KIAA1671: variants seen among roughly 807,000 people sequenced by gnomAD.
The protein encoded by KIAA1671 is uncharacterized protein KIAA1671.
KIAA1671 carries 52 observed loss-of-function variants against 131.2 expected under a neutral mutation model. The ratio of observed to expected loss-of-function variants is 0.40; its 90% CI spans 0.32 to 0.50. KIAA1671 has a LOEUF of 0.50. KIAA1671 is among the 20% of genes least tolerant of loss of function. KIAA1671 has a pLI of 0.73. For synonymous variants in KIAA1671, 1,003 were observed against 961.6 expected, an observed-to-expected ratio of 1.04 and a Z score of -0.80; for missense variants, 2,360 against 2,364.2, an observed-to-expected ratio of 1.00 and a Z score of 0.04.
At chr22:25,171,714 T>G (rs1933855254) in intron 7 of KIAA1671, among the ~76,000 whole-genome samples, 1 of 151,428 alleles carries the variant, frequency 6.6e-6, no homozygotes, top group Non-Finnish European at 1.5e-5. Flanking sequence ...GAGAGACACC[T>G]TGTCTAAAAA....
chr22:25,190,903 A>C, intron 12 of KIAA1671, 119 bp downstream of exon 12: 1 of 655,294 alleles, frequency 1.5e-6, no homozygotes, highest in Non-Finnish European at 2.7e-6. Context: ...AGGCTGTGTA[A>C]GGGGAAGAAT....
intron 6 of KIAA1671, among the ~76,000 whole-genome samples, chr22:25,093,800 C>CTCTCTT: frequency 7.6e-6 from 1 of 131,804 alleles, no homozygotes; most frequent in African/African-American, 2.9e-5. Flanking sequence ...CTCTCTCTCT[C>CTCTCTT]TCTCTCTCTC....
At chr22:25,018,492 A>T (rs1022676988) in intron 1 of KIAA1671, among the ~76,000 whole-genome samples, 1 of 152,014 alleles carries the variant, frequency 6.6e-6, no homozygotes, top group Non-Finnish European at 1.5e-5. Context: ...TTGTGTGACC[A>T]TCATCACCAT....
intron 6 of KIAA1671, among the ~76,000 whole-genome samples, chr22:25,131,548 G>A (rs969954913): frequency 3.3e-5 from 5 of 152,232 alleles, no homozygotes; most frequent in Non-Finnish European, 7.3e-5. Flanking sequence ...CTGGTCAGGC[G>A]CACAGGCCAT....
intron 5 of KIAA1671, among the ~76,000 whole-genome samples, chr22:25,043,975 A>G (rs1051775098): frequency 4.0e-5 from 6 of 151,594 alleles, no homozygotes. Context: ...CCAGTCTGGA[A>G]GTGGATGCTG....
chr22:25,056,811 C>CCA (rs1927864020), intron 6 of KIAA1671: 1 of 57,826 alleles, frequency 1.7e-5, no homozygotes, highest in Non-Finnish European at 3.1e-5. Context: ...GACTCTGTCT[C>CCA]AAAAAAAAAA....
chr22:24,996,234 C>T (rs1001080252), intron 1 of KIAA1671, among the ~76,000 whole-genome samples: 1 of 150,434 alleles, frequency 6.6e-6, no homozygotes, highest in Admixed American at 6.6e-5. Context: ...CCCTCTCGGA[C>T]TCAGAGGCAC....
At chr22:25,017,843 C>G (rs554167857) in intron 1 of KIAA1671, among the ~76,000 whole-genome samples, 1 of 152,280 alleles carries the variant, frequency 6.6e-6, no homozygotes, top group East Asian at 1.9e-4. Context: ...AAAGTGTCTT[C>G]GGTGTAACAA....
At chr22:25,160,567 C>A (rs533625731) in intron 6 of KIAA1671, among the ~76,000 whole-genome samples, 1 of 152,194 alleles carries the variant, frequency 6.6e-6, no homozygotes, top group South Asian at 2.1e-4. Context: ...CAGGCTTGCA[C>A]CAACCCCAGA....
chr22:25,041,309 C>T lies in KIAA1671; in HGVS notation c.4179C>T (p.Asp1393=). The T allele has an allele frequency of 6.4e-7, 1 of 1,551,742 alleles. No individual in the cohort carries two copies. The highest frequency in any genetic ancestry group is 1.2e-5 in the South Asian group (1 of 84,062). ...GEEDSVAQWG[D]HPRDCGRVPL... ...AGGACAGTGTGGCCCAGTGGGGTGA[C>T]CACCCACGTGACTGTGGACGGGTGC... is the stretch of plus-strand genomic sequence containing the variant. The change falls in exon 5 of 13, where the codon GAC becomes GAT. Residue 1393 remains aspartate, a synonymous_variant. Coordinates refer to ENST00000358431, the MANE Select transcript of KIAA1671 (RefSeq NM_001145206.2).
intron 6 of KIAA1671, chr22:25,051,447 G>A (rs1927529125): frequency 1.3e-5 from 2 of 152,198 alleles, no homozygotes; most frequent in Non-Finnish European, 2.9e-5. Context: ...GACCTCAAGA[G>A]TATTTTTGTG....
At chr22:25,027,408 T>G (rs1220961349) in intron 2 of KIAA1671, among the ~76,000 whole-genome samples, 1 of 152,160 alleles carries the variant, frequency 6.6e-6, no homozygotes, top group Non-Finnish European at 1.5e-5. Context: ...TAGCACACAC[T>G]TGTGATTAGG....
chr22:25,043,172 A>C (rs1414622034), intron 5 of KIAA1671, among the ~76,000 whole-genome samples: 5 of 152,192 alleles, frequency 3.3e-5, no homozygotes, highest in African/African-American at 1.2e-4. Context: ...TTGGGGGTAC[A>C]TAAGCAGAAT....
chr22:25,056,858 A>G (rs1927868212), intron 6 of KIAA1671: 1 of 149,754 alleles, frequency 6.7e-6, no homozygotes, highest in Non-Finnish European at 1.5e-5. Context: ...ATGAGCTCCT[A>G]TGCACAAGGT....
chr22:24,986,196 T>A (rs1923522741), intron 1 of KIAA1671, among the ~76,000 whole-genome samples: 1 of 152,126 alleles, frequency 6.6e-6, no homozygotes. Flanking sequence ...GATTCTGGTT[T>A]GTGACTCTGG....
Position 25,038,928 on chromosome 22 carries a change from A to G in KIAA1671, c.1798A>G (p.Thr600Ala). The change falls in exon 5 of 13, where the codon ACT (threonine) becomes GCT (alanine). Residue 600 changes from threonine to alanine, a missense_variant. Transcript: ENST00000358431. ...SVEAPCPSDVTPEDDRSFQTV... is the reference protein window; with the variant it reads ...SVEAPCPSDVAPEDDRSFQTV... ...GGAGGCCCCGTGCCCTTCTGACGTCACTCCAGAGGATGACCGGAGCTTCCA... is the reference window on the plus strand; with the variant it reads ...GGAGGCCCCGTGCCCTTCTGACGTCGCTCCAGAGGATGACCGGAGCTTCCA... 1 of 1,551,670 alleles carries G rather than the reference A, an allele frequency of 6.4e-7. No individual in the cohort carries two copies. The highest frequency in any genetic ancestry group is 8.7e-7 in the Non-Finnish European group (1 of 1,146,992).
rs1568951654 is a variant in KIAA1671 at position 25,093,844 on chromosome 22, C to CTT, written c.4530+44481_4530+44482insTT. ...TCTCTTTCTCTCTCTGTCTGTCTCT[C>CTT]TCTCTCTCTCTCTCTCTCTCTCTCT... On this transcript the variant is annotated intron_variant, in intron 6 of 12. Coordinates refer to ENST00000358431, the MANE Select transcript of KIAA1671 (RefSeq NM_001145206.2). 5.0e-4 allele frequency among the ~76,000 whole-genome samples: 45 copies of CTT among 90,606 alleles called. 6 individuals are homozygous for CTT. The highest frequency in any genetic ancestry group is 1.6e-3 in the African/African-American group (39 of 24,442). 59.4% of individuals were successfully genotyped at this position (90,606 alleles called of 152,430 possible).
chr22:25,003,176 T>C lies in KIAA1671; in HGVS notation c.-207-22457T>C, dbSNP rs768856367. Among the ~76,000 whole-genome samples the C allele has an allele frequency of 4.7e-4, 71 of 152,302 alleles. No individual in the cohort carries two copies. The Middle Eastern group carries it at 0.014, about 29-fold the overall frequency. Reference sequence around the variant, plus strand: ...AATCAAGAGAGTGGGCTTCATGGTCTTAGTGTCTCTGAGCCTCAATTTCCT... The same window carrying C: ...AATCAAGAGAGTGGGCTTCATGGTCCTAGTGTCTCTGAGCCTCAATTTCCT... On this transcript the variant is annotated intron_variant, in intron 1 of 12. Transcript: ENST00000358431.
At chr22:25,174,793 T>G in intron 8 of KIAA1671, 1 of 243,664 alleles carries the variant, frequency 4.1e-6, no homozygotes, top group Admixed American at 5.2e-5. Context: ...TCTAAGCCCT[T>G]ACCTGCTAGG....
Sources: allele counts gnomAD v4.1 joint callset (sites outside exome capture counted in the v4.1 genomes callset), GRCh38; gene constraint gnomAD v4.1.1; transcripts MANE v1.5; gene names NCBI Gene and HGNC (gene_info 2026-07-23, HGNC 2026-07-21).